HLCS: variants seen among roughly 807,000 people sequenced by gnomAD.
HLCS encodes holocarboxylase synthetase.
HLCS carries 53 observed loss-of-function variants against 75.0 expected under a neutral mutation model. The ratio of observed to expected loss-of-function variants is 0.71; its 90% confidence interval spans 0.57 to 0.89. The LOEUF is 0.89. HLCS is among the 40% of genes least tolerant of loss of function. HLCS has a pLI of 0.00. For synonymous variants in HLCS, 431 were observed against 428.6 expected (o/e 1.01, Z -0.07); for missense variants, 966 against 1,074.0 (o/e 0.90, Z 1.41).
intron 2 of HLCS, among the ~76,000 whole-genome samples, chr21:36,958,662 G>A (rs1231002265): frequency 1.3e-5 from 2 of 151,914 alleles, no homozygotes; most frequent in Admixed American, 6.6e-5. Flanking sequence ...GGCAGCGTGC[G>A]CCTGTAGTCC....
chr21:36,832,817 G>C (rs962341529), intron 6 of HLCS, among the ~76,000 whole-genome samples: 3 of 152,168 alleles, frequency 2.0e-5, no homozygotes, highest in Non-Finnish European at 4.4e-5. Context: ...GTACAAAAAA[G>C]GATGTTCCCT....
chr21:36,971,763 A>T (rs2068796325), intron 1 of HLCS: 1 of 149,396 alleles, frequency 6.7e-6, no homozygotes, highest in Non-Finnish European at 1.5e-5. Flanking sequence ...CAGGAGACAG[A>T]GGTTGCAGTG....
At chr21:36,883,967 C>T (rs186276548) in intron 6 of HLCS, among the ~76,000 whole-genome samples, 79 of 152,286 alleles carry the variant, frequency 5.2e-4, no homozygotes, top group Non-Finnish European at 9.6e-4. Context: ...AAAGCCGGCA[C>T]TGTGGGCATT....
chr21:36,754,452 G>T (rs377279380), intron 10 of HLCS, 35 bp from the exon 11 acceptor site: 126 of 1,599,654 alleles, frequency 7.9e-5, no homozygotes, highest in Non-Finnish European at 1.0e-4. Context: ...TCACTGGGAG[G>T]TGTCACAGGA....
Position 36,766,353 on chromosome 21 carries a change from A to G in HLCS, c.1960+865T>C, listed in dbSNP as rs562203804. Among the ~76,000 whole-genome samples the G allele has an allele frequency of 1.9e-4, 29 of 152,344 alleles. No individual in the cohort carries two copies. In the East Asian group the frequency reaches 5.0e-3, roughly 26 times the overall value. On this transcript the variant is annotated intron_variant, in intron 7 of 10. Transcript: ENST00000674895. The stretch of plus-strand genomic sequence containing the variant: ...TTCTTAAAATTGAAGTTAGAAAAAT[A>G]GAAGAATCCAAATGAGAGGTAGAGT...
chr21:36,925,228 CG>C (rs1486177917), intron 5 of HLCS, among the ~76,000 whole-genome samples: 12 of 152,106 alleles, frequency 7.9e-5, no homozygotes, highest in Admixed American at 2.6e-4. Context: ...TGATTTTGCC[CG>C]ATCATTTCAG....
At chr21:36,970,930 C>CTTGT (rs201696730), upstream of HLCS, among the ~76,000 whole-genome samples, 2,799 of 150,666 alleles carry the variant, frequency 0.019, 82 homozygotes, top group African/African-American at 0.063. Flanking sequence ...GGAGGCGGAG[C>CTTGT]TTGTAGTGAG....
intron 6 of HLCS, among the ~76,000 whole-genome samples, chr21:36,768,140 G>A (rs1270270237): frequency 6.6e-6 from 1 of 152,226 alleles, no homozygotes; most frequent in Non-Finnish European, 1.5e-5. Flanking sequence ...CGCGGTTCGA[G>A]GTAGGATTCA....
intron 1 of HLCS, among the ~76,000 whole-genome samples, chr21:36,983,663 C>A (rs1841201417): frequency 6.6e-6 from 1 of 151,536 alleles, no homozygotes; most frequent in South Asian, 2.1e-4. Flanking sequence ...TGGTGAAACC[C>A]AGTCTCTACT....
chr21:36,822,412 G>A (rs78780077), intron 6 of HLCS, among the ~76,000 whole-genome samples: 5,492 of 152,088 alleles, frequency 0.036, 147 homozygotes, highest in African/African-American at 0.074. Flanking sequence ...CCTGGGTGAC[G>A]GAGCAAGACT....
chr21:36,935,919 CACT>C (rs759986632), intron 4 of HLCS, among the ~76,000 whole-genome samples: 103 of 152,258 alleles, frequency 6.8e-4, no homozygotes, highest in Non-Finnish European at 1.3e-3. Flanking sequence ...TTCTTTTCAG[CACT>C]TGGAAGAGTG....
At chr21:36,892,298 TCC>T (rs2064819959) in intron 6 of HLCS, among the ~76,000 whole-genome samples, 1 of 152,064 alleles carries the variant, frequency 6.6e-6, no homozygotes, top group East Asian at 1.9e-4. Context: ...AAGCCATGAC[TCC>T]AAAAGATCCC....
intron 4 of HLCS, among the ~76,000 whole-genome samples, chr21:36,934,519 T>C (rs950673387): frequency 6.6e-6 from 1 of 152,238 alleles, no homozygotes; most frequent in African/African-American, 2.4e-5. Flanking sequence ...CCTGGTCCAT[T>C]TGACAGTCAA....
intron 6 of HLCS, among the ~76,000 whole-genome samples, chr21:36,834,722 A>G (rs1270293466): frequency 2.0e-5 from 3 of 152,064 alleles, no homozygotes; most frequent in Non-Finnish European, 4.4e-5. Context: ...TGCCCAGCTA[A>G]TTTTTGTATT....
intron 9 of HLCS, among the ~76,000 whole-genome samples, chr21:36,758,522 C>G (rs921355603): frequency 6.6e-5 from 10 of 152,156 alleles, no homozygotes; most frequent in African/African-American, 2.2e-4. Context: ...AGTGATCTAC[C>G]TGCCTCAGTC....
chr21:36,805,680 GC>G (rs1161879190), intron 6 of HLCS, among the ~76,000 whole-genome samples: 1 of 152,044 alleles, frequency 6.6e-6, no homozygotes, highest in Non-Finnish European at 1.5e-5. Flanking sequence ...GGGAAGAGGG[GC>G]TCTCCGTGAC....
At chr21:36,982,568 G>A (rs1190566486) in intron 1 of HLCS, among the ~76,000 whole-genome samples, 12 of 152,226 alleles carry the variant, frequency 7.9e-5, no homozygotes, top group East Asian at 7.7e-4. Flanking sequence ...GGAGAATTAT[G>A]AGGTCCTCAA....
chr21:36,867,958 C>T (rs968364263), intron 6 of HLCS, among the ~76,000 whole-genome samples: 2 of 152,020 alleles, frequency 1.3e-5, no homozygotes, highest in African/African-American at 4.8e-5. Context: ...TCGAGATCAG[C>T]CTGGCCAACA....
At chr21:36,785,607 T>C (rs937775732) in intron 6 of HLCS, among the ~76,000 whole-genome samples, 15 of 152,222 alleles carry the variant, frequency 9.9e-5, no homozygotes, top group African/African-American at 3.6e-4. Flanking sequence ...TTCCCAGATA[T>C]ACTACAATAT....
Sources: gnomAD v4.1 joint callset for allele counts (sites outside exome capture counted in the v4.1 genomes callset) on GRCh38, gnomAD v4.1.1 for gene constraint, MANE v1.5 for transcripts, NCBI Gene and HGNC (gene_info 2026-07-23, HGNC 2026-07-21) for gene names.